Variants in GPATCH2 observed in about 807,000 individuals in gnomAD.
The protein encoded by GPATCH2 is G-patch domain containing 2.
GPATCH2 carries 51 observed loss-of-function variants against 58.0 expected under a neutral mutation model. That is an observed-to-expected ratio of 0.88 (90% CI 0.70 to 1.11). The LOEUF (loss-of-function observed/expected upper bound fraction) is 1.11. GPATCH2 is among the 50% of genes most tolerant of loss of function. GPATCH2 has a pLI of 0.00. For synonymous variants in GPATCH2, 222 were observed against 218.5 expected (o/e 1.02, Z -0.14); for missense variants, 625 against 652.2 (o/e 0.96, Z 0.45).
chr1:217,511,645 T>C (rs969250595), intron 6 of GPATCH2, among the ~76,000 whole-genome samples: 2 of 152,212 alleles, frequency 1.3e-5, no homozygotes, highest in Admixed American at 1.3e-4. Context: ...CCAGAGTGGA[T>C]ACTGGCCATA....
intron 9 of GPATCH2, among the ~76,000 whole-genome samples, chr1:217,433,894 C>A (rs1034478335): frequency 6.6e-6 from 1 of 152,172 alleles, no homozygotes; most frequent in East Asian, 1.9e-4. Flanking sequence ...AAGTGCTAGA[C>A]ATGAGTTTTA....
chr1:217,584,218 C>T (rs1185097671), intron 5 of GPATCH2, among the ~76,000 whole-genome samples: 1 of 151,166 alleles, frequency 6.6e-6, no homozygotes, highest in East Asian at 1.9e-4. Flanking sequence ...ATGTTCGAGG[C>T]CTCCCGCGGT....
intron 5 of GPATCH2, among the ~76,000 whole-genome samples, chr1:217,606,223 G>C (rs1668356062): frequency 6.6e-6 from 1 of 151,100 alleles, no homozygotes; most frequent in Admixed American, 6.6e-5. Context: ...TAGCTTAAAT[G>C]ATGGAGGGAG....
chr1:217,589,063 G>A (rs985095696), intron 5 of GPATCH2, among the ~76,000 whole-genome samples: 3 of 152,142 alleles, frequency 2.0e-5, no homozygotes, highest in African/African-American at 7.2e-5. Flanking sequence ...TGAAAAGTGA[G>A]CCTTCCAGGT....
chr1:217,564,717 G>A (rs1363305443), intron 5 of GPATCH2, among the ~76,000 whole-genome samples: 2 of 152,122 alleles, frequency 1.3e-5, no homozygotes, highest in Admixed American at 6.6e-5. Context: ...TTTCAGAAGT[G>A]TCTGCTTCTT....
chr1:217,594,791 G>A (rs1667747370), intron 5 of GPATCH2, among the ~76,000 whole-genome samples: 1 of 152,142 alleles, frequency 6.6e-6, no homozygotes, highest in Non-Finnish European at 1.5e-5. Context: ...AAGTGTTTGT[G>A]TGTGCACATG....
At chr1:217,463,641 C>CAAAAAAAAAAAAAAAAAAAAA (rs201402598) in intron 8 of GPATCH2, among the ~76,000 whole-genome samples, 1 of 82,454 alleles carries the variant, frequency 1.2e-5, no homozygotes, top group Non-Finnish European at 2.2e-5. Context: ...CTTATCACTC[C>CAAAAAAAAAAAAAAAAAAAAA]AAAAAAAAAA....
chr1:217,619,946 A>G lies in GPATCH2; in HGVS notation c.610T>C (p.Phe204Leu). ...CTTTTTTTGACTTTGTTCTTGGTAAATTCTTGATACTGGTAGGCTCTATCA... is the reference window on the plus strand; with the variant it reads ...CTTTTTTTGACTTTGTTCTTGGTAAGTTCTTGATACTGGTAGGCTCTATCA... Reference protein sequence around the residue: ...DSDRAYQYQEFTKNKVKKRKL... With the variant: ...DSDRAYQYQELTKNKVKKRKL... The change falls in exon 2 of 10, where the codon TTT (phenylalanine) becomes CTT (leucine). Residue 204 changes from phenylalanine (F) to leucine (L), a missense_variant. By Grantham distance (22) the Phe-to-Leu change is conservative. Coordinates refer to ENST00000366935, the MANE Select transcript of GPATCH2 (RefSeq NM_018040.5). The G allele has an allele frequency of 6.2e-7, 1 of 1,613,770 alleles. No homozygotes were observed. Among genetic ancestry groups the G allele is most frequent in the Middle Eastern group, 1.6e-4 (1 of 6,062 alleles).
intron 1 of GPATCH2, 59 bp from the exon 2 acceptor site, chr1:217,620,558 T>C: frequency 1.1e-6 from 1 of 944,326 alleles, no homozygotes; most frequent in Admixed American, 2.3e-5. Context: ...GTAACCTCAT[T>C]TTCTATAACA....
chr1:217,492,306 T>G (rs182545282), intron 7 of GPATCH2, among the ~76,000 whole-genome samples: 3 of 152,170 alleles, frequency 2.0e-5, no homozygotes, highest in Admixed American at 6.6e-5. Flanking sequence ...CTTGGAAATA[T>G]ATAATTAGAA....
At chr1:217,586,746 A>G (rs368971515) in intron 5 of GPATCH2, among the ~76,000 whole-genome samples, 1 of 152,306 alleles carries the variant, frequency 6.6e-6, no homozygotes, top group African/African-American at 2.4e-5. Flanking sequence ...ATTTGTTTAC[A>G]CCAGAATCAC....
intron 8 of GPATCH2, among the ~76,000 whole-genome samples, chr1:217,471,767 A>G (rs955814081): frequency 2.0e-5 from 3 of 152,154 alleles, no homozygotes; most frequent in African/African-American, 4.8e-5. Flanking sequence ...AATGACAGGA[A>G]AAAAAGTTTC....
intron 5 of GPATCH2, among the ~76,000 whole-genome samples, chr1:217,527,627 C>T (rs1344658970): frequency 6.6e-6 from 1 of 152,112 alleles, no homozygotes; most frequent in Non-Finnish European, 1.5e-5. Context: ...ACAAAACCCT[C>T]TCTTGTTCGA....
chr1:217,427,947 A>G lies in GPATCH2; in HGVS notation c.*3198T>C, dbSNP rs1658391235. 1 of 152,204 alleles carries G rather than the reference A, an allele frequency of 6.6e-6. No homozygotes were observed. Among genetic ancestry groups the G allele is most frequent in the South Asian group, 2.1e-4 (1 of 4,836 alleles). The allele number at this position is 152,204 out of a possible 1,614,324, so 9.4% of individuals were successfully genotyped here. On this transcript the variant is annotated 3_prime_UTR_variant, in exon 10 of 10. Coordinates refer to ENST00000366935, the MANE Select transcript of GPATCH2 (RefSeq NM_018040.5). ...TTAACTTCTGTTTGATAGCCACAGT[A>G]TGAGTTATAAAATATATGGTATTTA...
chr1:217,519,848 T>C (rs989334554), intron 5 of GPATCH2, among the ~76,000 whole-genome samples: 5 of 152,218 alleles, frequency 3.3e-5, no homozygotes, highest in Non-Finnish European at 7.3e-5. Context: ...CTTAACCTTA[T>C]TATATAATAA....
chr1:217,569,464 G>A (rs191846470), intron 5 of GPATCH2, among the ~76,000 whole-genome samples: 1 of 152,258 alleles, frequency 6.6e-6, no homozygotes, highest in Admixed American at 6.5e-5. Context: ...GGAGGCTGAG[G>A]CGGGCAGATC....
intron 5 of GPATCH2, among the ~76,000 whole-genome samples, chr1:217,555,322 T>A (rs994508868): frequency 6.6e-6 from 1 of 152,180 alleles, no homozygotes; most frequent in South Asian, 2.1e-4. Context: ...TATAAGGTTA[T>A]AGAGGAATCA....
intron 8 of GPATCH2, among the ~76,000 whole-genome samples, chr1:217,485,154 A>C (rs13375527): frequency 0.13 from 19,187 of 152,126 alleles, 2,281 homozygotes; most frequent in African/African-American, 0.32. Flanking sequence ...GGCCCAAGAA[A>C]CAGGAGTGCT....
intron 6 of GPATCH2, among the ~76,000 whole-genome samples, chr1:217,507,322 A>G (rs1662611204): frequency 6.6e-6 from 1 of 152,142 alleles, no homozygotes; most frequent in African/African-American, 2.4e-5. Flanking sequence ...ACTCAATAAC[A>G]TGTTGTATGT....
Sources: gnomAD v4.1 joint callset for allele counts (sites outside exome capture counted in the v4.1 genomes callset) on GRCh38, gnomAD v4.1.1 for gene constraint, MANE v1.5 for transcripts, NCBI Gene and HGNC (gene_info 2026-07-23, HGNC 2026-07-21) for gene names.